Variants in ITIH2 observed in about 807,000 individuals in gnomAD.
The protein encoded by ITIH2 is inter-alpha-trypsin inhibitor heavy chain H2.
ITIH2 carries 103 observed loss-of-function variants against 104.4 expected under a neutral mutation model. That is an observed-to-expected ratio of 0.99 (90% CI 0.84 to 1.16). The LOEUF (loss-of-function observed/expected upper bound fraction) is 1.16. ITIH2 is among the 50% of genes most tolerant of loss of function. ITIH2 has a pLI of 0.00. For synonymous variants in ITIH2, 436 were observed against 435.4 expected, an observed-to-expected ratio of 1.00 and a Z score of -0.02; for missense variants, 1,108 against 1,162.4, an observed-to-expected ratio of 0.95 and a Z score of 0.68.
At position 7,717,657 on chromosome 10, in the gene ITIH2, A is replaced by G. The variant is rs747445672; in HGVS notation, c.499A>G (p.Thr167Ala). Residue 167 changes from threonine to alanine, a missense_variant, in exon 6 of 21, where the codon ACG (threonine) becomes GCG (alanine). Coordinates refer to ENST00000358415, the MANE Select transcript of ITIH2 (RefSeq NM_002216.3). The stretch of plus-strand genomic sequence containing the variant: ...CGCTCTTGATATGGAAAACTTCAGA[A>G]CGGAAGTAAATGTCCTCCCAGGAGC... ...SSALDMENFR[T>A]EVNVLPGAKV... The G allele has an allele frequency of 2.2e-5, 35 of 1,614,026 alleles. No homozygotes were observed. Among genetic ancestry groups the G allele is most frequent in the Non-Finnish European group, 3.0e-5 (35 of 1,179,958 alleles).
At position 7,713,700 on chromosome 10, in the gene ITIH2, A is replaced by C. The variant is rs556085253; in HGVS notation, c.467+415A>C. Among the ~76,000 whole-genome samples, 335 of 151,958 alleles carry C rather than the reference A, an allele frequency of 2.2e-3. 1 individual carries two copies. Among genetic ancestry groups the C allele is most frequent in the African/African-American group, 7.3e-3 (301 of 41,466 alleles). ...CTTGTAGGGATAAGGGGTTTTTTTT[A>C]ATTGTAGTTGTTGTTGTTGTTGTTT... On this transcript the variant is annotated intron_variant, in intron 5 of 20. Transcript: ENST00000358415.
chr10:7,710,300 C>A (rs148805990), intron 4 of ITIH2, among the ~76,000 whole-genome samples: 1 of 152,166 alleles, frequency 6.6e-6, no homozygotes, highest in Non-Finnish European at 1.5e-5. Context: ...TGAAATTTTT[C>A]GTAATAAAAG....
chr10:7,727,287 G>T (rs1834959610), intron 10 of ITIH2, among the ~76,000 whole-genome samples, 169 bp downstream of exon 10: 1 of 152,214 alleles, frequency 6.6e-6, no homozygotes, highest in African/African-American at 2.4e-5. Flanking sequence ...AGTGAAAGTA[G>T]AATTTGTAAT....
At chr10:7,727,499 G>A (rs1011665256) in intron 10 of ITIH2, among the ~76,000 whole-genome samples, 1 of 152,186 alleles carries the variant, frequency 6.6e-6, no homozygotes, top group African/African-American at 2.4e-5. Context: ...TAAGGGGATA[G>A]TTTATTTCAA....
rs118063690 is a variant in ITIH2 at position 7,707,528 on chromosome 10, A to G, written c.192+295A>G. On this transcript the variant is annotated intron_variant, in intron 3 of 20. Coordinates refer to ENST00000358415, the MANE Select transcript of ITIH2 (RefSeq NM_002216.3). ...AAATTTATGTATTTATTCCTACTCAACCTTTTTGATTTATGTATTTATTTT... is the reference window on the plus strand; with the variant it reads ...AAATTTATGTATTTATTCCTACTCAGCCTTTTTGATTTATGTATTTATTTT... Among the ~76,000 whole-genome samples, 1,498 of 151,230 alleles carry G rather than the reference A, an allele frequency of 9.9e-3. 12 individuals are homozygous for G. The highest frequency in any genetic ancestry group is 0.012 in the Non-Finnish European group (846 of 67,722).
In ITIH2 at chr10:7,731,915, T is replaced by G. The variant is rs765027294; in HGVS notation, c.1566T>G (p.Phe522Leu). ...CTCAAAACAATTTCCATAACTACTT[T>G]GGAGGCTCAGAGATTGTGGTGGCAG... The part of the protein sequence containing the change: ...DVTQNNFHNY[F>L]GGSEIVVAGK... Residue 522 changes from phenylalanine (F) to leucine (L), a missense_variant, in exon 13 of 21, where the codon TTT (phenylalanine) becomes TTG (leucine). Coordinates refer to ENST00000358415, the MANE Select transcript of ITIH2 (RefSeq NM_002216.3). 11 of 1,614,080 alleles carry G rather than the reference T, an allele frequency of 6.8e-6. No homozygotes were observed. Among genetic ancestry groups the G allele is most frequent in the Non-Finnish European group, 9.3e-6 (11 of 1,179,962 alleles).
chr10:7,738,782 C>T lies in ITIH2; in HGVS notation c.2095+24C>T, dbSNP rs767327283. 8 of 1,551,452 alleles carry T rather than the reference C, an allele frequency of 5.2e-6. No homozygotes were observed. In the East Asian group the frequency reaches 9.8e-5, roughly 19 times the overall value. Reference sequence around the variant, plus strand: ...AGGTAACGCTTCTACACTGCTTGCACGTCCCAGAACTCAGCCGACCATAAT... The same window carrying T: ...AGGTAACGCTTCTACACTGCTTGCATGTCCCAGAACTCAGCCGACCATAAT... On this transcript the variant is annotated intron_variant, in intron 16 of 20. Transcript: ENST00000358415.
chr10:7,717,233 T>G (rs1834858945), intron 5 of ITIH2, among the ~76,000 whole-genome samples: 1 of 152,194 alleles, frequency 6.6e-6, no homozygotes, highest in African/African-American at 2.4e-5. Flanking sequence ...ATTACAGGCA[T>G]GAACCACCAC....
At chr10:7,716,211 C>T (rs1011791742) in intron 5 of ITIH2, among the ~76,000 whole-genome samples, 2 of 152,078 alleles carry the variant, frequency 1.3e-5, no homozygotes, top group East Asian at 1.9e-4. Flanking sequence ...TAACTCCTGA[C>T]CTCAAGTGAC....
chr10:7,709,110 T>C lies in ITIH2; in HGVS notation c.281T>C (p.Val94Ala). 1 of 1,614,082 alleles carries C rather than the reference T, an allele frequency of 6.2e-7. No individual in the cohort carries two copies. Among genetic ancestry groups the C allele is most frequent in the South Asian group, 1.1e-5 (1 of 91,056 alleles). ...GCCACCACCATGATCCAGAGCAAAG[T>C]GGTGAACAATTCCCCGCAGCCTCAG... is the stretch of plus-strand genomic sequence containing the variant. Reference protein sequence around the residue: ...RMATTMIQSKVVNNSPQPQNV... With the variant: ...RMATTMIQSKAVNNSPQPQNV... Residue 94 changes from valine (V) to alanine (A), a missense_variant, in exon 4 of 21, where the codon GTG becomes GCG. Coordinates refer to ENST00000358415, the MANE Select transcript of ITIH2 (RefSeq NM_002216.3).
intron 4 of ITIH2, among the ~76,000 whole-genome samples, chr10:7,710,730 T>C (rs1315050349): frequency 6.6e-6 from 1 of 152,216 alleles, no homozygotes; most frequent in African/African-American, 2.4e-5. Context: ...ATCCTTTGAA[T>C]TGGCTTTAAA....
At chr10:7,712,066 C>A (rs976980257) in intron 4 of ITIH2, among the ~76,000 whole-genome samples, 2 of 152,188 alleles carry the variant, frequency 1.3e-5, no homozygotes, top group Admixed American at 1.3e-4. Context: ...CCAGCACCTT[C>A]CCCCTTTTTC....
At chr10:7,722,850 T>G (rs972062887) in intron 8 of ITIH2, among the ~76,000 whole-genome samples, 1 of 152,220 alleles carries the variant, frequency 6.6e-6, no homozygotes, top group East Asian at 1.9e-4. Context: ...CACTTACCCT[T>G]ATCCTCTGCT....
Position 7,743,207 on chromosome 10 carries a change from T to C in ITIH2, c.2157T>C (p.Asn719=). The C allele has an allele frequency of 6.3e-7, 1 of 1,596,120 alleles. No individual in the cohort carries two copies. The highest frequency in any genetic ancestry group is 8.5e-7 in the Non-Finnish European group (1 of 1,172,784). The stretch of plus-strand genomic sequence containing the variant: ...AAAGCCAAAAGAACATTTGTTTCAA[T>C]ATTGACTCAGAACCTGGAAAAATCC... ...LPKSQKNICF[N]IDSEPGKILN... is the part of the protein sequence containing the mutation. Residue 719 remains asparagine, a synonymous_variant, in exon 17 of 21, where the codon AAT becomes AAC. Transcript: ENST00000358415.
rs979422144 is a variant in ITIH2 at position 7,723,233 on chromosome 10, C to T, written c.868-218C>T. Among the ~76,000 whole-genome samples, 6 of 148,666 alleles carry T rather than the reference C, an allele frequency of 4.0e-5. No individual in the cohort carries two copies. In the East Asian group the frequency reaches 6.0e-4, roughly 15 times the overall value. On this transcript the variant is annotated intron_variant, in intron 8 of 20. Coordinates refer to ENST00000358415, the MANE Select transcript of ITIH2 (RefSeq NM_002216.3). The stretch of plus-strand genomic sequence containing the variant: ...AGTGGAGCGGTGTGGAGTGAAGCAG[C>T]GTGGAGTGGAGTGGAGCGGAATGTT...
At chr10:7,745,051 T>C (rs561634482) in intron 19 of ITIH2, 88 bp downstream of exon 19, 18 of 1,170,528 alleles carry the variant, frequency 1.5e-5, no homozygotes, top group African/African-American at 1.1e-4. Context: ...GTTGAGGACA[T>C]GGCAGGTGTG....
At chr10:7,726,145 G>A (rs1441554311) in intron 9 of ITIH2, among the ~76,000 whole-genome samples, 1 of 152,180 alleles carries the variant, frequency 6.6e-6, no homozygotes, top group Non-Finnish European at 1.5e-5. Context: ...GCTTATGAGA[G>A]AATAGGAAGA....
At chr10:7,715,867 A>G (rs1338805052) in intron 5 of ITIH2, among the ~76,000 whole-genome samples, 2 of 151,972 alleles carry the variant, frequency 1.3e-5, no homozygotes, top group Non-Finnish European at 2.9e-5. Flanking sequence ...CAGCCTCCCA[A>G]GCAGCTGGGA....
intron 9 of ITIH2, among the ~76,000 whole-genome samples, chr10:7,725,536 T>C (rs944167574): frequency 6.6e-6 from 1 of 152,150 alleles, no homozygotes; most frequent in African/African-American, 2.4e-5. Context: ...CAGTATATCC[T>C]GAAGGGCTAG....
Sources: gnomAD v4.1 joint callset for allele counts (sites outside exome capture counted in the v4.1 genomes callset) on GRCh38, gnomAD v4.1.1 for gene constraint, MANE v1.5 for transcripts, NCBI Gene and HGNC (gene_info 2026-07-23, HGNC 2026-07-21) for gene names.